PIWIL1: variants seen among roughly 807,000 people sequenced by gnomAD.
PIWIL1 encodes the protein piwi like RNA-mediated gene silencing 1, also known as piwi-like protein 1.
PIWIL1 carries 73 observed loss-of-function variants against 114.4 expected under a neutral mutation model. That is an observed-to-expected ratio of 0.64 (90% CI 0.53 to 0.78). The LOEUF is 0.78. Among genes scored for constraint, PIWIL1 ranks in the 30% least tolerant of loss-of-function variants. The pLI is 0.00. For synonymous variants in PIWIL1, 375 were observed against 369.0 expected (o/e 1.02, Z -0.19); for missense variants, 723 against 1,063.1 (o/e 0.68, Z 4.45).
the PIWIL1 span, chr12:130,399,811 C>T: frequency 3.1e-6 from 5 of 1,614,094 alleles, no homozygotes; most frequent in Non-Finnish European, 4.2e-6. Flanking sequence ...CATTCAGCTC[C>T]CCCTAAAACA....
intron 18 of PIWIL1, among the ~76,000 whole-genome samples, chr12:130,364,039 A>G (rs1338021722): frequency 6.6e-6 from 1 of 152,218 alleles, no homozygotes; most frequent in Non-Finnish European, 1.5e-5. Flanking sequence ...CATTTCCGTC[A>G]GTGCCATTAT....
downstream of PIWIL1, among the ~76,000 whole-genome samples, chr12:130,373,296 A>G (rs1388259962): frequency 6.6e-6 from 1 of 152,168 alleles, no homozygotes; most frequent in Non-Finnish European, 1.5e-5. Context: ...TAATTTATTT[A>G]TGGATTTTGG....
the PIWIL1 span, chr12:130,422,414 G>A: frequency 2.7e-5 from 39 of 1,442,404 alleles, no homozygotes; most frequent in Middle Eastern, 2.0e-4. The surrounding 1 kb of genome is among the most constrained non-coding windows in gnomAD (Gnocchi z 5.2). Flanking sequence ...CACATGCTCC[G>A]CGGCTGAAAG....
chr12:130,407,943 A>G, the PIWIL1 span: 5 of 890,964 alleles, frequency 5.6e-6, no homozygotes, highest in Non-Finnish European at 9.3e-6. Context: ...GGCACTGCTA[A>G]CAGGGCCACG....
chr12:130,347,631 C>G (rs566049857), intron 6 of PIWIL1, among the ~76,000 whole-genome samples: 4 of 152,278 alleles, frequency 2.6e-5, no homozygotes, highest in African/African-American at 9.6e-5. Context: ...GATGATAGGA[C>G]AATTCATTGT....
At chr12:130,416,957 AT>A in the PIWIL1 span, among the ~76,000 whole-genome samples, 1 of 151,544 alleles carries the variant, frequency 6.6e-6, no homozygotes, top group Non-Finnish European at 1.5e-5. Flanking sequence ...TAAATAAAAA[AT>A]ATATTTAAAA....
At position 130,354,518 on chromosome 12, in the gene PIWIL1, C is replaced by T. The variant is rs772381837; in HGVS notation, c.1045-19C>T. The T allele has an allele frequency of 5.0e-6, 8 of 1,613,934 alleles. No individual in the cohort carries two copies. Among genetic ancestry groups the T allele is most frequent in the East Asian group, 4.5e-5 (2 of 44,864 alleles). The stretch of plus-strand genomic sequence containing the variant: ...CGAGGCATTTGCCGTGAACAGCGAC[C>T]CTTTCGTCTCTTGAGCAGCAATACA... On this transcript the variant is annotated intron_variant, in intron 9 of 20. Transcript: ENST00000245255.
the PIWIL1 span, chr12:130,424,421 G>T: frequency 4.1e-6 from 5 of 1,232,766 alleles, no homozygotes; most frequent in Non-Finnish European, 5.1e-6. This position sits in a 1 kb window ranked among gnomAD's most constrained non-coding sequence, Gnocchi z 9.8. Flanking sequence ...GGCCCCTCCT[G>T]CAGGGACAGT....
intron 19 of PIWIL1, 140 bp downstream of exon 19, chr12:130,367,398 TG>T (rs2136192725): frequency 1.2e-6 from 1 of 824,184 alleles, no homozygotes; most frequent in South Asian, 2.8e-5. Flanking sequence ...TCAACTAATT[TG>T]GTCAAACATA....
chr12:130,417,644 T>C, the PIWIL1 span, among the ~76,000 whole-genome samples: 1 of 152,232 alleles, frequency 6.6e-6, no homozygotes, highest in Non-Finnish European at 1.5e-5. Context: ...ACCTGGATGA[T>C]GGCATCATTT....
At chr12:130,394,945 T>C in the PIWIL1 span, among the ~76,000 whole-genome samples, 1 of 152,172 alleles carries the variant, frequency 6.6e-6, no homozygotes, top group African/African-American at 2.4e-5. Flanking sequence ...ATGAAAATTG[T>C]GCCTTTACAG....
chr12:130,393,797 G>C, the PIWIL1 span, among the ~76,000 whole-genome samples: 1 of 152,196 alleles, frequency 6.6e-6, no homozygotes, highest in Non-Finnish European at 1.5e-5. Flanking sequence ...CACGTTCAAG[G>C]CTTTAGAAAG....
chr12:130,412,668 C>T, the PIWIL1 span: 1 of 1,613,950 alleles, frequency 6.2e-7, no homozygotes. Context: ...GTCTAAGAAG[C>T]TGATCCATCA....
At position 130,371,322 on chromosome 12, in the gene PIWIL1, C is replaced by T. The variant is rs763769681; in HGVS notation, c.2468C>T (p.Pro823Leu). The part of the protein sequence containing the change: ...YKLCHIYYNW[P>L]GVIRVPAPCQ... ...CTGTGCCACATCTATTACAACTGGC[C>T]AGTAAGTGCTTCTACTTGTTGATGT... Residue 823 changes from proline to leucine, a missense_variant and splice_region_variant, in exon 20 of 21, where the codon CCA becomes CTA. By Grantham distance (98) the Pro-to-Leu change is moderately conservative. Transcript: ENST00000245255. 109 of 1,613,992 alleles carry T rather than the reference C, an allele frequency of 6.8e-5. No individual in the cohort carries two copies. The highest frequency in any genetic ancestry group is 9.2e-5 in the Non-Finnish European group (109 of 1,180,018).
chr12:130,390,403 C>A, the PIWIL1 span, among the ~76,000 whole-genome samples: 1 of 152,164 alleles, frequency 6.6e-6, no homozygotes, highest in Admixed American at 6.5e-5. Flanking sequence ...CCCTTCAGAG[C>A]AGAGGGCAGG....
At chr12:130,377,243 G>C (rs2132646), downstream of PIWIL1, among the ~76,000 whole-genome samples, 1,122 of 152,116 alleles carry the variant, frequency 7.4e-3, 19 homozygotes, top group African/African-American at 0.025. Context: ...CAGGTTCTCA[G>C]ATATTTATTG....
the PIWIL1 span, among the ~76,000 whole-genome samples, chr12:130,382,049 C>T: frequency 6.6e-6 from 1 of 152,236 alleles, no homozygotes; most frequent in Non-Finnish European, 1.5e-5. Context: ...AGATAACAGT[C>T]CTTTATCAGA....
Position 130,349,308 on chromosome 12 carries a change from C to T in PIWIL1, c.804C>T (p.Asp268=), listed in dbSNP as rs778747884. 1.6e-5 allele frequency: 26 copies of T among 1,613,884 alleles called. No homozygotes were observed. Among genetic ancestry groups the T allele is most frequent in the East Asian group, 2.2e-5 (1 of 44,884 alleles). The change falls in exon 8 of 21, where the codon GAC becomes GAT. Residue 268 remains aspartate (D), a synonymous_variant. Coordinates refer to ENST00000245255, the MANE Select transcript of PIWIL1 (RefSeq NM_004764.5). The stretch of plus-strand genomic sequence containing the variant: ...AAAACAGCATCATGCTCTGCACTGA[C>T]GTTAGCCATAAAGTCCTTCGAAGTG... ...QYENSIMLCT[D]VSHKVLRSET... is the part of the protein sequence containing the mutation.
the PIWIL1 span, among the ~76,000 whole-genome samples, chr12:130,406,711 A>G: frequency 0.2 from 30,671 of 152,050 alleles, 3,464 homozygotes; most frequent in East Asian, 0.41. Context: ...CAGCAGTGCA[A>G]CCTCGGCCCA....
Sources: allele counts gnomAD v4.1 joint callset (sites outside exome capture counted in the v4.1 genomes callset), GRCh38; gene constraint gnomAD v4.1.1; non-coding constraint Gnocchi (gnomAD v3.1); transcripts MANE v1.5; gene names NCBI Gene and HGNC (gene_info 2026-07-23, HGNC 2026-07-21).